The following RYR1 variants were observed in gnomAD, a reference collection of about 807,000 sequenced individuals.
RYR1 encodes ryanodine receptor 1.
A neutral mutation model predicts 583.5 loss-of-function variants in RYR1; 342 were observed. The ratio of observed to expected loss-of-function variants is 0.59; its 90% CI spans 0.54 to 0.64. The LOEUF (loss-of-function observed/expected upper bound fraction) is 0.64, where lower values mean the gene tolerates loss of function less well. RYR1 is among the 30% of genes least tolerant of loss of function. RYR1 has a pLI of 0.00. For synonymous variants in RYR1, 2,791 were observed against 2,822.5 expected (o/e 0.99, Z 0.35); for missense variants, 6,032 against 6,917.2 (o/e 0.87, Z 4.54).
At chr19:38,541,731 T>TCCTA (rs1038658734) in intron 84 of RYR1, among the ~76,000 whole-genome samples, 2 of 151,530 alleles carry the variant, frequency 1.3e-5, no homozygotes, top group African/African-American at 4.9e-5. Context: ...AAAAAGGATT[T>TCCTA]CCTACCATAG....
chr19:38,472,145 C>G (rs928568713), intron 27 of RYR1, among the ~76,000 whole-genome samples: 1 of 152,128 alleles, frequency 6.6e-6, no homozygotes, highest in East Asian at 1.9e-4. Flanking sequence ...GTCACCCAGG[C>G]TGGAGTCCAG....
rs3786829 is a variant in RYR1, at chr19:38,523,544, T to C, written c.10440+235T>C. The C allele has an allele frequency of 0.24, 148,368 of 608,334 alleles. 20,363 individuals carry two copies. The highest frequency in any genetic ancestry group is 0.42 in the African/African-American group (22,638 of 53,708). The allele number at this position is 608,334 out of a possible 1,614,324, so 37.7% of individuals were successfully genotyped here. On this transcript the variant is annotated intron_variant, in intron 69 of 105. Coordinates refer to ENST00000359596, the MANE Select transcript of RYR1 (RefSeq NM_000540.3). Reference sequence around the variant, plus strand: ...CTCTCCATCTCCCTCTTCTCTCATCTCTGTCTCCTTCCTCCTCCTGTATCT... The same window carrying C: ...CTCTCCATCTCCCTCTTCTCTCATCCCTGTCTCCTTCCTCCTCCTGTATCT...
intron 29 of RYR1, among the ~76,000 whole-genome samples, chr19:38,476,235 G>T (rs922229498): frequency 6.6e-6 from 1 of 152,010 alleles, no homozygotes; most frequent in Non-Finnish European, 1.5e-5. Flanking sequence ...GTCTCAGCCT[G>T]TCGCCCAGGC....
intron 12 of RYR1, 37 bp downstream of exon 12, chr19:38,451,922 T>C: frequency 6.2e-7 from 1 of 1,613,826 alleles, no homozygotes; most frequent in South Asian, 1.1e-5. Context: ...GTGACTCCTG[T>C]GCTGTCCCAT....
chr19:38,516,882 C>A (rs1323172638), intron 65 of RYR1, among the ~76,000 whole-genome samples: 3 of 152,120 alleles, frequency 2.0e-5, no homozygotes, highest in Non-Finnish European at 4.4e-5. Context: ...CGCTCCAAGG[C>A]AGGAAACTTG....
rs1355353937 is a variant in RYR1, at chr19:38,543,730, C to T, written c.11908-41C>T. ...CGCATCGTGATCCCTGATCCCTTCTCGGGGATTCCCTTCCCCCCCACACGG... is the reference window on the plus strand; with the variant it reads ...CGCATCGTGATCCCTGATCCCTTCTTGGGGATTCCCTTCCCCCCCACACGG... On this transcript the variant is annotated intron_variant, in intron 86 of 105. Coordinates refer to ENST00000359596, the MANE Select transcript of RYR1 (RefSeq NM_000540.3). This position sits in a 1 kb window ranked among gnomAD's most constrained non-coding sequence, Gnocchi z 4.4. 1.2e-6 allele frequency: 2 copies of T among 1,611,230 alleles called. No individual in the cohort carries two copies. The highest frequency in any genetic ancestry group is 1.7e-6 in the Non-Finnish European group (2 of 1,179,874).
rs575355164 is a variant in RYR1 at position 38,490,373 on chromosome 19, G to A, written c.6015+97G>A. The A allele has an allele frequency of 3.1e-5, 38 of 1,226,884 alleles. No homozygotes were observed. In the African/African-American group the frequency reaches 3.7e-4, roughly 12 times the overall value. 76.0% of individuals were successfully genotyped at this position (1,226,884 alleles called of 1,614,324 possible). A position where few individuals can be genotyped will look rare whatever the true frequency, so the allele number is the denominator to read the frequency against. ...CTGAGGACCCTCAACCTCTAAACCCGTGCTTGACCCCTGACCCTAGTGATA... is the reference window on the plus strand; with the variant it reads ...CTGAGGACCCTCAACCTCTAAACCCATGCTTGACCCCTGACCCTAGTGATA... On this transcript the variant is annotated intron_variant, in intron 36 of 105. Transcript: ENST00000359596.
intron 36 of RYR1, 24 bp from the exon 37 acceptor site, chr19:38,490,580 GGGATCTCAGACCCTCAT>G: frequency 7.9e-7 from 1 of 1,273,330 alleles, no homozygotes; most frequent in Non-Finnish European, 1.1e-6. Flanking sequence ...TTCCTGCTTT[GGGATCTCAGACCCTCAT>G]TCTAATCTTT....
intron 101 of RYR1, among the ~76,000 whole-genome samples, chr19:38,581,412 A>G (rs1425203248): frequency 2.6e-5 from 4 of 151,888 alleles, no homozygotes; most frequent in Admixed American, 2.0e-4. Context: ...GAGTTTCACC[A>G]TGTTGGCCAG....
intron 105 of RYR1, 129 bp from the exon 106 acceptor site, chr19:38,587,196 G>T: frequency 1.4e-6 from 1 of 702,572 alleles, no homozygotes; most frequent in South Asian, 1.6e-5. Context: ...AGGCTGTAGT[G>T]AGCTGTGATT....
In RYR1 at chr19:38,494,652, T is replaced by G. The variant is rs764989337; in HGVS notation, c.6548+27T>G. The stretch of plus-strand genomic sequence containing the variant: ...TGAGACACCGCCCTTCCCCCTTACT[T>G]TGCATATCCCCTTGGGTAATGAATA... On this transcript the variant is annotated intron_variant, in intron 39 of 105. Transcript: ENST00000359596. 3.1e-6 allele frequency: 5 copies of G among 1,613,346 alleles called. No homozygotes were observed. The African/African-American group carries it at 6.7e-5, about 22-fold the overall frequency.
At chr19:38,578,465 G>A (rs1158210076) in intron 99 of RYR1, among the ~76,000 whole-genome samples, 3 of 152,218 alleles carry the variant, frequency 2.0e-5, no homozygotes, top group Admixed American at 1.3e-4. Flanking sequence ...AGCCAAGGCT[G>A]GTGGATCACT....
intron 91 of RYR1, among the ~76,000 whole-genome samples, chr19:38,566,123 A>C (rs1277983644): frequency 2.0e-5 from 3 of 151,900 alleles, no homozygotes; most frequent in Admixed American, 6.6e-5. Context: ...AGAGAGAGTA[A>C]GAAACCCAGA....
In RYR1 at chr19:38,499,036, A is replaced by G; in HGVS notation, c.6892-72A>G. 1 of 1,592,326 alleles carries G rather than the reference A, an allele frequency of 6.3e-7. No homozygotes were observed. The highest frequency in any genetic ancestry group is 1.1e-5 in the South Asian group (1 of 88,620). On this transcript the variant is annotated intron_variant, in intron 42 of 105. Coordinates refer to ENST00000359596, the MANE Select transcript of RYR1 (RefSeq NM_000540.3). This position sits in a 1 kb window ranked among gnomAD's most constrained non-coding sequence, Gnocchi z 7.3. ...GAGGAGCCGCAGGGCAGGGCAGGGCAGGGCAGAGGGCTGAGCCCCAGGAGG... is the reference window on the plus strand; with the variant it reads ...GAGGAGCCGCAGGGCAGGGCAGGGCGGGGCAGAGGGCTGAGCCCCAGGAGG...
At position 38,567,773 on chromosome 19, in the gene RYR1, T is replaced by C; in HGVS notation, c.13515T>C (p.Asp4505=). 6.2e-7 allele frequency: 1 copy of C among 1,614,098 alleles called. No individual in the cohort carries two copies. ...PEPELEPEKA[D]AENGEKEEVP... is the part of the protein sequence containing the mutation. Reference sequence around the variant, plus strand: ...GACCTCTCTCTGTCCTGCCCTGCAGTGCCGAGAATGGGGAGAAGGAAGAAG... The same window carrying C: ...GACCTCTCTCTGTCCTGCCCTGCAGCGCCGAGAATGGGGAGAAGGAAGAAG... Residue 4505 remains aspartate (D), a splice_region_variant and synonymous_variant, in exon 93 of 106, where the codon GAT becomes GAC. Coordinates refer to ENST00000359596, the MANE Select transcript of RYR1 (RefSeq NM_000540.3).
intron 84 of RYR1, among the ~76,000 whole-genome samples, chr19:38,542,308 T>C (rs926984729): frequency 2.4e-4 from 37 of 151,934 alleles, no homozygotes; most frequent in Non-Finnish European, 4.9e-4. Context: ...TCAATAAATA[T>C]TTGTTGGATA....
rs1385177895 is a variant in RYR1, at chr19:38,505,742, G to A, written c.8401-64G>A. ...CACATGGTCAGGGTTTTCTCCTTTG[G>A]GGTCCTTCCTCCACCCCTCTCTCAT... On this transcript the variant is annotated intron_variant, in intron 53 of 105. Coordinates refer to ENST00000359596, the MANE Select transcript of RYR1 (RefSeq NM_000540.3). The A allele has an allele frequency of 2.5e-6, 4 of 1,600,504 alleles. No individual in the cohort carries two copies. In the African/African-American group the frequency reaches 5.4e-5, roughly 22 times the overall value.
At chr19:38,469,718 A>G (rs1232787048) in intron 27 of RYR1, among the ~76,000 whole-genome samples, 1 of 152,108 alleles carries the variant, frequency 6.6e-6, no homozygotes, top group Non-Finnish European at 1.5e-5. Context: ...TGCCTCACCT[A>G]TAAAATAAGG....
chr19:38,579,583 T>C (rs1599663165), intron 99 of RYR1, among the ~76,000 whole-genome samples: 7 of 122,594 alleles, frequency 5.7e-5, no homozygotes, highest in East Asian at 2.4e-4. Context: ...AGTGTGAAAC[T>C]CCATCTCAAA....
Sources: allele counts gnomAD v4.1 joint callset (sites outside exome capture counted in the v4.1 genomes callset), GRCh38; gene constraint gnomAD v4.1.1; non-coding constraint Gnocchi (gnomAD v3.1); transcripts MANE v1.5; gene names NCBI Gene and HGNC (gene_info 2026-07-23, HGNC 2026-07-21).